The following PPARGC1A variants were observed in gnomAD, a reference collection of about 807,000 sequenced individuals.
PPARGC1A encodes the protein peroxisome proliferator-activated receptor gamma coactivator 1-alpha.
Under a neutral mutation model 88.7 loss-of-function variants are expected in PPARGC1A, and 25 were observed. The observed-to-expected ratio is 0.28, with a 90% confidence interval of 0.21 to 0.39. The LOEUF (loss-of-function observed/expected upper bound fraction) is 0.39, where lower values mean the gene tolerates loss of function less well. Among genes scored for constraint, PPARGC1A ranks in the 10% least tolerant of loss-of-function variants. PPARGC1A has a pLI of 1.00. For synonymous variants in PPARGC1A, 363 were observed against 355.6 expected, an observed-to-expected ratio of 1.02 and a Z score of -0.24; for missense variants, 880 against 968.7, an observed-to-expected ratio of 0.91 and a Z score of 1.22.
At chr4:24,042,529 T>A in the PPARGC1A span, among the ~76,000 whole-genome samples, 1 of 152,184 alleles carries the variant, frequency 6.6e-6, no homozygotes, top group African/African-American at 2.4e-5. Flanking sequence ...ATGCTACTTA[T>A]ATTCCTTAAG....
the PPARGC1A span, among the ~76,000 whole-genome samples, chr4:23,979,871 TCTC>T: frequency 1.3e-5 from 2 of 152,100 alleles, no homozygotes; most frequent in African/African-American, 2.4e-5. Context: ...ATATCTCCTC[TCTC>T]CTCTGCTCAA....
chr4:23,981,511 G>A, the PPARGC1A span, among the ~76,000 whole-genome samples: 1 of 152,044 alleles, frequency 6.6e-6, no homozygotes, highest in African/African-American at 2.4e-5. Flanking sequence ...GAAATTAGGT[G>A]TGGGCTGGAA....
the PPARGC1A span, among the ~76,000 whole-genome samples, chr4:23,964,089 T>C: frequency 6.6e-6 from 1 of 152,184 alleles, no homozygotes; most frequent in African/African-American, 2.4e-5. Context: ...CAAGATTCCT[T>C]ACAATACAAG....
chr4:23,859,815 TAAAATAAAATAAAATAAAA>T, intron 2 of PPARGC1A, among the ~76,000 whole-genome samples: 1 of 66,222 alleles, frequency 1.5e-5, no homozygotes, highest in East Asian at 3.9e-4. Context: ...TAAAATAAAA[TAAAATAAAATAAAATAAAA>T]TAAAATAAAA....
At chr4:23,937,570 T>G in the PPARGC1A span, among the ~76,000 whole-genome samples, 8 of 152,178 alleles carry the variant, frequency 5.3e-5, no homozygotes, top group East Asian at 1.5e-3. Flanking sequence ...TCATTAAATT[T>G]TGTTGACTCC....
chr4:24,291,167 G>A, the PPARGC1A span, among the ~76,000 whole-genome samples: 1 of 151,988 alleles, frequency 6.6e-6, no homozygotes, highest in African/African-American at 2.4e-5. Flanking sequence ...CAGGAATTAG[G>A]TGCCCAGTGT....
At chr4:24,145,942 G>A in the PPARGC1A span, among the ~76,000 whole-genome samples, 1 of 152,196 alleles carries the variant, frequency 6.6e-6, no homozygotes, top group African/African-American at 2.4e-5. Flanking sequence ...AATGTTGGGA[G>A]AGGCAGGTCC....
the PPARGC1A span, among the ~76,000 whole-genome samples, chr4:24,184,278 T>C: frequency 6.6e-6 from 1 of 152,144 alleles, no homozygotes; most frequent in Non-Finnish European, 1.5e-5. Flanking sequence ...TTAAGGAAAA[T>C]ATGTAAATTT....
the PPARGC1A span, among the ~76,000 whole-genome samples, chr4:24,148,230 C>T: frequency 6.6e-6 from 1 of 152,188 alleles, no homozygotes; most frequent in Non-Finnish European, 1.5e-5. Context: ...CTTGCTAGAA[C>T]ACCTGCTTTG....
At chr4:24,021,392 G>A in the PPARGC1A span, among the ~76,000 whole-genome samples, 2 of 152,338 alleles carry the variant, frequency 1.3e-5, no homozygotes, top group African/African-American at 2.4e-5. Flanking sequence ...TGTCCTAACA[G>A]TGATATGTTT....
chr4:24,460,900 G>T, the PPARGC1A span, among the ~76,000 whole-genome samples: 1 of 152,170 alleles, frequency 6.6e-6, no homozygotes, highest in Non-Finnish European at 1.5e-5. Flanking sequence ...TAATTAAACT[G>T]TTCTTCTGAC....
At chr4:24,203,000 G>A in the PPARGC1A span, among the ~76,000 whole-genome samples, 6 of 152,274 alleles carry the variant, frequency 3.9e-5, no homozygotes, top group African/African-American at 1.4e-4. Flanking sequence ...GCCAGAAAGA[G>A]GCTCTTTCTC....
the PPARGC1A span, among the ~76,000 whole-genome samples, chr4:24,421,592 T>G: frequency 6.6e-6 from 1 of 152,192 alleles, no homozygotes; most frequent in African/African-American, 2.4e-5. Flanking sequence ...ATTACAGGCG[T>G]GAGCCACCGC....
At chr4:24,052,914 A>G in the PPARGC1A span, among the ~76,000 whole-genome samples, 1 of 122,998 alleles carries the variant, frequency 8.1e-6, no homozygotes, top group African/African-American at 3.2e-5. Flanking sequence ...CCCAGGCTGA[A>G]GTGCAGTGGT....
chr4:24,061,789 C>A, the PPARGC1A span, among the ~76,000 whole-genome samples: 2 of 152,146 alleles, frequency 1.3e-5, no homozygotes, highest in South Asian at 4.1e-4. Context: ...GAAACAGAAG[C>A]CAGGAGAAAG....
chr4:24,057,984 A>C, the PPARGC1A span, among the ~76,000 whole-genome samples: 2 of 152,192 alleles, frequency 1.3e-5, no homozygotes, highest in African/African-American at 2.4e-5. Context: ...GAGGGAAGCG[A>C]GTGATTGATT....
At chr4:24,281,729 G>C in the PPARGC1A span, among the ~76,000 whole-genome samples, 1 of 152,276 alleles carries the variant, frequency 6.6e-6, no homozygotes, top group East Asian at 1.9e-4. Context: ...ATGAAGGGCA[G>C]AGATCATGCC....
At chr4:24,323,708 G>C in the PPARGC1A span, among the ~76,000 whole-genome samples, 1 of 152,194 alleles carries the variant, frequency 6.6e-6, no homozygotes, top group East Asian at 1.9e-4. Flanking sequence ...TCACACGGAC[G>C]TGCATGAAGT....
At chr4:24,104,891 A>T in the PPARGC1A span, among the ~76,000 whole-genome samples, 1 of 152,210 alleles carries the variant, frequency 6.6e-6, no homozygotes, top group African/African-American at 2.4e-5. Context: ...GCAGTTCACC[A>T]GCTGTGTAAC....
Sources: allele counts gnomAD v4.1 joint callset (sites outside exome capture counted in the v4.1 genomes callset), GRCh38; gene constraint gnomAD v4.1.1; transcripts MANE v1.5; gene names NCBI Gene and HGNC (gene_info 2026-07-23, HGNC 2026-07-21).